Variants in RBFOX1 observed in about 807,000 individuals in gnomAD.
RBFOX1 encodes RNA binding fox-1 homolog 1, also known as RNA binding protein fox-1 homolog 1.
In RBFOX1, 8 loss-of-function variants were observed where a neutral mutation model predicts 57.7. That is an observed-to-expected ratio of 0.14 (90% CI 0.08 to 0.25). RBFOX1 has a LOEUF of 0.25. Among genes scored for constraint, RBFOX1 ranks in the 10% least tolerant of loss-of-function variants. The probability of loss-of-function intolerance (pLI) is 1.00; values close to 1 mark genes in which losing one functional copy is unlikely to be tolerated. For missense variants in RBFOX1, 611 were observed against 548.5 expected, an observed-to-expected ratio of 1.11 and a Z score of -1.14; for synonymous variants, 326 against 222.4, an observed-to-expected ratio of 1.47 and a Z score of -4.15.
intron 4 of RBFOX1, among the ~76,000 whole-genome samples, chr16:7,272,508 A>G (rs894083198): frequency 1.3e-5 from 2 of 152,288 alleles, no homozygotes; most frequent in African/African-American, 4.8e-5. Flanking sequence ...TTAGACATAT[A>G]TGTTGCTTCT....
intron 4 of RBFOX1, among the ~76,000 whole-genome samples, chr16:7,514,347 T>C (rs1034814152): frequency 2.0e-5 from 3 of 152,222 alleles, no homozygotes; most frequent in Non-Finnish European, 2.9e-5. Flanking sequence ...GACTAGGCTT[T>C]ACAGAGCCCA....
intron 4 of RBFOX1, among the ~76,000 whole-genome samples, chr16:7,091,874 G>A (rs1732475133): frequency 6.6e-6 from 1 of 152,220 alleles, no homozygotes; most frequent in South Asian, 2.1e-4. Context: ...AGAAGTTGCA[G>A]ATATAGAGTT....
chr16:6,482,668 C>G (rs1179391335), intron 2 of RBFOX1, among the ~76,000 whole-genome samples: 1 of 152,094 alleles, frequency 6.6e-6, no homozygotes, highest in Non-Finnish European at 1.5e-5. Flanking sequence ...AGTTGAGATC[C>G]TAAAGCTTCG....
rs185373875 is a variant in RBFOX1, at chr16:5,906,886, C to G, written c.351+39551C>G. ...AGTAACTAGGATTACAGGTGCCCACCACCATGCCTGGCTCATTTTTTTGTA... is the reference window on the plus strand; with the variant it reads ...AGTAACTAGGATTACAGGTGCCCACGACCATGCCTGGCTCATTTTTTTGTA... On this transcript the variant is annotated intron_variant, in intron 4 of 19. Coordinates refer to the RBFOX1 transcript ENST00000641259. Among the ~76,000 whole-genome samples the G allele has an allele frequency of 1.8e-4, 28 of 151,992 alleles. No individual in the cohort carries two copies. The East Asian group carries it at 4.9e-3, about 26-fold the overall frequency.
At chr16:6,852,296 G>T (rs1019070885) in intron 3 of RBFOX1, among the ~76,000 whole-genome samples, 3 of 152,092 alleles carry the variant, frequency 2.0e-5, no homozygotes, top group Admixed American at 6.5e-5. Context: ...GTGTGCCTCT[G>T]CGTCTTTCTT....
At chr16:6,826,406 G>A (rs1454906990) in intron 3 of RBFOX1, among the ~76,000 whole-genome samples, 2 of 152,174 alleles carry the variant, frequency 1.3e-5, no homozygotes, top group Non-Finnish European at 2.9e-5. Flanking sequence ...AAATACTCCA[G>A]AGTTGCTCGC....
At chr16:6,708,241 T>A (rs1313737606) in intron 3 of RBFOX1, among the ~76,000 whole-genome samples, 1 of 152,086 alleles carries the variant, frequency 6.6e-6, no homozygotes, top group East Asian at 1.9e-4. Context: ...TTATTTATTA[T>A]GTTGAAAGTC....
chr16:5,302,555 C>A (rs575398203), intron 1 of RBFOX1, among the ~76,000 whole-genome samples: 24 of 152,132 alleles, frequency 1.6e-4, no homozygotes, highest in Non-Finnish European at 3.4e-4. Flanking sequence ...AAAGTACGGT[C>A]AATGAATTTG....
intron 11 of RBFOX1, among the ~76,000 whole-genome samples, chr16:7,648,486 G>T (rs747133895): frequency 6.6e-6 from 1 of 152,184 alleles, no homozygotes; most frequent in Admixed American, 6.5e-5. Context: ...GCCTCCCAAA[G>T]TGTTGGGATT....
intron 1 of RBFOX1, among the ~76,000 whole-genome samples, chr16:5,293,500 A>G (rs1052975094): frequency 3.3e-5 from 5 of 152,036 alleles, no homozygotes; most frequent in African/African-American, 4.8e-5. Context: ...TCCTGGGGAG[A>G]TGAGACAATA....
intron 2 of RBFOX1, among the ~76,000 whole-genome samples, chr16:6,609,549 G>A (rs993243795): frequency 6.6e-6 from 1 of 151,926 alleles, no homozygotes; most frequent in African/African-American, 2.4e-5. Flanking sequence ...TCACTACATT[G>A]CCCAGGCTGG....
chr16:5,855,145 G>C (rs959091706), intron 3 of RBFOX1, among the ~76,000 whole-genome samples: 3 of 152,132 alleles, frequency 2.0e-5, no homozygotes, highest in Non-Finnish European at 4.4e-5. Flanking sequence ...TAGATATATA[G>C]TTTAGAAGTA....
At position 7,518,165 on chromosome 16, in the gene RBFOX1, G is replaced by A. The variant is rs779321097; in HGVS notation, c.46G>A (p.Ala16Thr). The A allele has an allele frequency of 1.2e-5, 19 of 1,611,534 alleles. No individual in the cohort carries two copies. Among genetic ancestry groups the A allele is most frequent in the Admixed American group, 5.0e-5 (3 of 59,696 alleles). ...EQLRGNQEAA[A>T]APDTMAQPYA... Reference sequence around the variant, plus strand: ...TTTTCAGGGTAATCAGGAAGCAGCCGCTGCCCCTGACACAATGGCTCAGCC... The same window carrying A: ...TTTTCAGGGTAATCAGGAAGCAGCCACTGCCCCTGACACAATGGCTCAGCC... The change falls in exon 5 of 16, where the codon GCT becomes ACT. Residue 16 changes from alanine (A) to threonine (T), a missense_variant. Ala to Thr is a moderately conservative substitution (Grantham distance 58). This residue lies in a region of RBFOX1 where 245 missense variants were observed against 159.1 expected (regional missense o/e 1.54). Coordinates refer to ENST00000550418, the MANE Select transcript of RBFOX1 (RefSeq NM_018723.4).
At chr16:7,604,114 A>T (rs1490639177) in intron 9 of RBFOX1, among the ~76,000 whole-genome samples, 1 of 152,166 alleles carries the variant, frequency 6.6e-6, no homozygotes, top group Non-Finnish European at 1.5e-5. Flanking sequence ...AGAATCAAGG[A>T]AGTGTTGATG....
At chr16:5,315,150 C>T (rs948416171) in intron 1 of RBFOX1, among the ~76,000 whole-genome samples, 1 of 152,052 alleles carries the variant, frequency 6.6e-6, no homozygotes. Context: ...GTACAGATCA[C>T]GTTGTTGGTG....
At chr16:7,162,660 CA>C (rs1322960005) in intron 4 of RBFOX1, among the ~76,000 whole-genome samples, 1 of 151,726 alleles carries the variant, frequency 6.6e-6, no homozygotes, top group Non-Finnish European at 1.5e-5. Context: ...ACCTGGGAGA[CA>C]GAGGTTGCAG....
At chr16:6,345,990 G>C (rs1251711677) in intron 2 of RBFOX1, among the ~76,000 whole-genome samples, 1 of 152,192 alleles carries the variant, frequency 6.6e-6, no homozygotes, top group Non-Finnish European at 1.5e-5. Context: ...TCACAGATAG[G>C]TGGGATACAA....
At chr16:5,373,412 A>C (rs2065907809) in intron 1 of RBFOX1, among the ~76,000 whole-genome samples, 1 of 152,060 alleles carries the variant, frequency 6.6e-6, no homozygotes, top group Non-Finnish European at 1.5e-5. Context: ...TCTTGTGATA[A>C]TGAGTGAGTT....
intron 1 of RBFOX1, among the ~76,000 whole-genome samples, chr16:5,280,286 C>T (rs1372237394): frequency 6.6e-6 from 1 of 152,152 alleles, no homozygotes; most frequent in Non-Finnish European, 1.5e-5. Flanking sequence ...GGATAAATCC[C>T]ACTTGATCAT....
Sources: allele counts gnomAD v4.1 joint callset (sites outside exome capture counted in the v4.1 genomes callset), GRCh38; gene constraint gnomAD v4.1.1; regional missense constraint gnomAD v4.1.1; transcripts MANE v1.5; gene names NCBI Gene and HGNC (gene_info 2026-07-23, HGNC 2026-07-21).